Variants in SLC23A2 observed in about 807,000 individuals in gnomAD.
SLC23A2 encodes solute carrier family 23 member 2, also known as Na(+)/L-ascorbic acid transporter 2.
SLC23A2 carries 36 observed loss-of-function variants against 73.3 expected under a neutral mutation model. That is an observed-to-expected ratio of 0.49 (90% CI 0.38 to 0.65). The LOEUF is 0.65. Among genes scored for constraint, SLC23A2 ranks in the 30% least tolerant of loss-of-function variants. The pLI, the probability that SLC23A2 is intolerant of heterozygous loss-of-function variation, is 0.00. For missense variants in SLC23A2, 507 were observed against 841.6 expected, an observed-to-expected ratio of 0.60 and a Z score of 4.92; for synonymous variants, 343 against 327.3, an observed-to-expected ratio of 1.05 and a Z score of -0.52.
At chr20:4,986,262 G>C (rs991275381) in intron 1 of SLC23A2, among the ~76,000 whole-genome samples, 26 of 152,070 alleles carry the variant, frequency 1.7e-4, no homozygotes, top group African/African-American at 6.3e-4. Flanking sequence ...AGGAGTTCCA[G>C]ACTAGCCTGG....
intron 2 of SLC23A2, 144 bp from the exon 3 acceptor site, chr20:4,932,860 TC>T: frequency 3.9e-6 from 1 of 256,862 alleles, no homozygotes; most frequent in Non-Finnish European, 7.4e-6. Flanking sequence ...ATTACAGTTT[TC>T]AGGCACCCAA....
intron 6 of SLC23A2, among the ~76,000 whole-genome samples, chr20:4,892,476 C>G (rs938152422): frequency 1.3e-5 from 2 of 152,160 alleles, no homozygotes; most frequent in Admixed American, 6.5e-5. Context: ...CATGAGCCAC[C>G]GTGCCCAGCC....
rs1000664777 is a variant in SLC23A2 at position 4,868,409 on chromosome 20, T to G, written c.1251-534A>C. On this transcript the variant is annotated intron_variant, in intron 12 of 16. Coordinates refer to ENST00000338244, the MANE Select transcript of SLC23A2 (RefSeq NM_005116.6). The surrounding 1 kb of genome is among the most constrained non-coding windows in gnomAD (Gnocchi z 4.4). ...TTTTAACAGAACCCCCAAAGCTCAT[T>G]CCATTTTGAGAAGCACATCTCTAAA... is the stretch of plus-strand genomic sequence containing the variant. Among the ~76,000 whole-genome samples the G allele has an allele frequency of 8.5e-5, 13 of 152,198 alleles. No individual in the cohort carries two copies. Among genetic ancestry groups the G allele is most frequent in the African/African-American group, 2.9e-4 (12 of 41,542 alleles).
At chr20:4,950,741 G>A (rs753780101) in intron 2 of SLC23A2, among the ~76,000 whole-genome samples, 1 of 151,984 alleles carries the variant, frequency 6.6e-6, no homozygotes, top group Admixed American at 6.6e-5. Flanking sequence ...AAGGGAACTC[G>A]AGGCTCAGAT....
At position 4,899,830 on chromosome 20, in the gene SLC23A2, T is replaced by G; in HGVS notation, c.325-118A>C. 10 of 1,074,826 alleles carry G rather than the reference T, an allele frequency of 9.3e-6. No homozygotes were observed. Among genetic ancestry groups the G allele is most frequent in the Non-Finnish European group, 1.3e-5 (10 of 747,972 alleles). The allele number at this position is 1,074,826 out of a possible 1,614,324, so 66.6% of individuals were successfully genotyped here. ...AAAATAGCCCACATAAAGAATCTCC[T>G]TGGTTTTTCGACCAAGCCATACTTT... On this transcript the variant is annotated intron_variant, in intron 5 of 16. Coordinates refer to ENST00000338244, the MANE Select transcript of SLC23A2 (RefSeq NM_005116.6). This position sits in a 1 kb window ranked among gnomAD's most constrained non-coding sequence, Gnocchi z 4.9.
rs571685532 is a variant in SLC23A2, at chr20:4,901,207, C to T, written c.324+1235G>A. Among the ~76,000 whole-genome samples, 51 of 152,254 alleles carry T rather than the reference C, an allele frequency of 3.3e-4. No homozygotes were observed. The East Asian group carries it at 9.5e-3, about 28-fold the overall frequency. ...CCCTACTCAACAGACACCTGCCAGT[C>T]GGGGTTACCATGGGCTGTGATACCT... On this transcript the variant is annotated intron_variant, in intron 5 of 16. Coordinates refer to ENST00000338244, the MANE Select transcript of SLC23A2 (RefSeq NM_005116.6).
rs963157356 is a variant in SLC23A2 at position 4,903,203 on chromosome 20, T to TA, written c.208-646dup. ...TTTCTTCTTTTTCTCCTAACACTAG[T>TA]AAAAAAAATATTTTAAAACATTAAG... On this transcript the variant is annotated intron_variant, in intron 4 of 16. Transcript: ENST00000338244. 5.3e-5 allele frequency among the ~76,000 whole-genome samples: 8 copies of TA among 152,130 alleles called. No individual in the cohort carries two copies. In the East Asian group the frequency reaches 7.7e-4, roughly 15 times the overall value.
intron 2 of SLC23A2, among the ~76,000 whole-genome samples, chr20:4,951,246 G>T (rs910452633): frequency 1.3e-5 from 2 of 152,176 alleles, no homozygotes; most frequent in Non-Finnish European, 2.9e-5. Context: ...AAACAAGATT[G>T]ACAATTATAT....
chr20:4,884,926 C>G (rs1171985259), intron 7 of SLC23A2, 103 bp from the exon 8 acceptor site: 2 of 651,814 alleles, frequency 3.1e-6, no homozygotes, highest in African/African-American at 1.9e-5. Flanking sequence ...TTTATTACAT[C>G]TGTTTCAATC....
chr20:4,953,820 C>T (rs1006786549), intron 2 of SLC23A2, among the ~76,000 whole-genome samples: 2 of 151,922 alleles, frequency 1.3e-5, no homozygotes, highest in African/African-American at 4.8e-5. Context: ...ACGCAGGAGG[C>T]GGAGGTTGCA....
intron 4 of SLC23A2, among the ~76,000 whole-genome samples, chr20:4,903,260 T>A (rs997019728): frequency 6.6e-6 from 1 of 152,164 alleles, no homozygotes; most frequent in African/African-American, 2.4e-5. Flanking sequence ...AAAATCATCA[T>A]AAAGACCAGT....
At position 4,862,741 on chromosome 20, in the gene SLC23A2, G is replaced by A. The variant is rs1930021511; in HGVS notation, c.1486+37C>T. 6.3e-7 allele frequency: 1 copy of A among 1,584,448 alleles called. No homozygotes were observed. Among genetic ancestry groups the A allele is most frequent in the Admixed American group, 1.7e-5 (1 of 57,816 alleles). The stretch of plus-strand genomic sequence containing the variant: ...CACCATGACCCCTATTAAAAATTTG[G>A]AAAAGTAAAGGAAAAAGCCAGAGAG... On this transcript the variant is annotated intron_variant, in intron 14 of 16. Transcript: ENST00000338244. This position sits in a 1 kb window ranked among gnomAD's most constrained non-coding sequence, Gnocchi z 5.1.
intron 1 of SLC23A2, among the ~76,000 whole-genome samples, chr20:4,981,693 T>TCTTCCTTC (rs1315280726): frequency 4.0e-5 from 6 of 151,886 alleles, no homozygotes; most frequent in Non-Finnish European, 7.4e-5. Flanking sequence ...TTTCTTTCTT[T>TCTTCCTTC]CTTCCTTCCT....
At chr20:4,904,862 G>A (rs1317875677) in intron 4 of SLC23A2, among the ~76,000 whole-genome samples, 1 of 152,184 alleles carries the variant, frequency 6.6e-6, no homozygotes, top group Non-Finnish European at 1.5e-5. Flanking sequence ...GCTCACATCT[G>A]TAATTCCAGC....
rs1930005197 is a variant in SLC23A2 at position 4,862,444 on chromosome 20, GC to G, written c.1486+333del. On this transcript the variant is annotated intron_variant, in intron 14 of 16. Transcript: ENST00000338244. This position sits in a 1 kb window ranked among gnomAD's most constrained non-coding sequence, Gnocchi z 5.1. The stretch of plus-strand genomic sequence containing the variant: ...TCTCTGGTTATTACAGCTAAATGGT[GC>G]AGAGATCAAACCCAGAGTCCCACTG... 6.6e-6 allele frequency among the ~76,000 whole-genome samples: 1 copy of G among 152,194 alleles called. No homozygotes were observed. The highest frequency in any genetic ancestry group is 1.9e-4 in the East Asian group (1 of 5,190).
At chr20:4,859,222 G>T (rs1929857527) in intron 16 of SLC23A2, 67 bp downstream of exon 16, 2 of 927,460 alleles carry the variant, frequency 2.2e-6, no homozygotes, top group African/African-American at 1.8e-5. Context: ...TTTCTATTTG[G>T]CAAAAAAAGT....
chr20:4,857,041 G>T lies in SLC23A2; in HGVS notation c.1884C>A (p.Tyr628Ter). Residue 628 changes from tyrosine (Y) to a stop codon, truncating the protein, a stop_gained, in exon 17 of 17, where the codon TAC (tyrosine) becomes TAA (stop). Transcript: ENST00000338244. LOFTEE classifies it high-confidence loss of function. The surrounding 1 kb of genome is among the most constrained non-coding windows in gnomAD (Gnocchi z 4.0). Reference sequence around the variant, plus strand: ...CGCTCTTCCTGAGGCCTTTCCATGTGTAGCCCACAAAGGTTGGGCTGATGG... The same window carrying T: ...CGCTCTTCCTGAGGCCTTTCCATGTTTAGCCCACAAAGGTTGGGCTGATGG... ...YLPISPTFVG[Y>*]TWKGLRKSDN... The T allele has an allele frequency of 1.9e-6, 3 of 1,614,120 alleles. No homozygotes were observed. Among genetic ancestry groups the T allele is most frequent in the Non-Finnish European group, 1.7e-6 (2 of 1,179,988 alleles).
At chr20:5,001,899 T>TG (rs1426650731), upstream of SLC23A2, among the ~76,000 whole-genome samples, 3 of 152,060 alleles carry the variant, frequency 2.0e-5, no homozygotes, top group African/African-American at 7.2e-5. Context: ...TGTGGTGCAT[T>TG]GGGCTCAGTG....
intron 1 of SLC23A2, among the ~76,000 whole-genome samples, chr20:4,986,473 C>G (rs2087828534): frequency 6.6e-6 from 1 of 152,056 alleles, no homozygotes. Flanking sequence ...GCCACCATGT[C>G]CGACTAATTT....
Sources: allele counts gnomAD v4.1 joint callset (sites outside exome capture counted in the v4.1 genomes callset), GRCh38; gene constraint gnomAD v4.1.1; non-coding constraint Gnocchi (gnomAD v3.1); transcripts MANE v1.5; gene names NCBI Gene and HGNC (gene_info 2026-07-23, HGNC 2026-07-21).